NDE1: variants seen among roughly 807,000 people sequenced by gnomAD.
NDE1 encodes the protein nudE neurodevelopment protein 1.
A neutral mutation model predicts 43.4 loss-of-function variants in NDE1; 28 were observed. The observed-to-expected ratio is 0.65, with a 90% CI of 0.48 to 0.89. The LOEUF (loss-of-function observed/expected upper bound fraction) is 0.89. Among genes scored for constraint, NDE1 ranks in the 40% least tolerant of loss-of-function variants. NDE1 has a pLI of 0.00. For missense variants in NDE1, 441 were observed against 434.1 expected (o/e 1.02, Z -0.14); for synonymous variants, 184 against 172.0 (o/e 1.07, Z -0.55).
intron 8 of NDE1, chr16:15,699,464 A>AT: frequency 1.1e-6 from 1 of 942,862 alleles, no homozygotes; most frequent in Non-Finnish European, 1.3e-6. Flanking sequence ...GGGTCTCACT[A>AT]TGTTGCGTAG....
rs545505269 is a variant in NDE1, at chr16:15,665,220, A to G, written c.83+359A>G. ...AACAGCAACCATTTATTGCAGGCCT[A>G]TATGTGCCAGGCAGTGTGAAAGGCT... On this transcript the variant is annotated intron_variant, in intron 2 of 8. Transcript: ENST00000396354. Among the ~76,000 whole-genome samples the G allele has an allele frequency of 3.8e-3, 579 of 152,158 alleles. 1 individual carries two copies. The highest frequency in any genetic ancestry group is 8.1e-3 in the South Asian group (39 of 4,828).
chr16:15,709,289 C>T (rs1052695550), intron 8 of NDE1, among the ~76,000 whole-genome samples: 3 of 151,586 alleles, frequency 2.0e-5, no homozygotes, highest in Admixed American at 1.3e-4. Context: ...AATCACCTGA[C>T]GCCAAGAGCA....
intron 8 of NDE1, among the ~76,000 whole-genome samples, chr16:15,710,087 A>G (rs1226965647): frequency 6.6e-6 from 1 of 152,218 alleles, no homozygotes. Context: ...AGAAGGCAGG[A>G]CAGACCTTCC....
intron 1 of NDE1, among the ~76,000 whole-genome samples, chr16:15,659,103 G>A (rs2036913729): frequency 6.6e-6 from 1 of 152,160 alleles, no homozygotes; most frequent in African/African-American, 2.4e-5. Flanking sequence ...ATGTGAATAT[G>A]AGTCCCAACA....
intron 8 of NDE1, among the ~76,000 whole-genome samples, chr16:15,708,546 C>T (rs928403238): frequency 5.9e-5 from 9 of 152,194 alleles, no homozygotes; most frequent in African/African-American, 9.6e-5. Context: ...GTGATAAGGG[C>T]GCACACTGTT....
chr16:15,710,067 C>T (rs780393595), intron 8 of NDE1, among the ~76,000 whole-genome samples: 1 of 152,170 alleles, frequency 6.6e-6, no homozygotes, highest in South Asian at 2.1e-4. Flanking sequence ...TTTGTGCACC[C>T]AAAAGATGCA....
intron 3 of NDE1, among the ~76,000 whole-genome samples, chr16:15,675,630 C>T (rs1378918864): frequency 2.0e-5 from 3 of 151,750 alleles, no homozygotes; most frequent in African/African-American, 7.3e-5. Flanking sequence ...GAGGCAGAGT[C>T]TTGCCCAGGC....
intron 8 of NDE1, chr16:15,718,394 G>T (rs1201529499): frequency 6.3e-7 from 1 of 1,599,560 alleles, no homozygotes. Context: ...CTCCAGCTGG[G>T]CGATCCGGGC....
chr16:15,692,069 G>T (rs1195858546), intron 6 of NDE1, among the ~76,000 whole-genome samples: 2 of 151,554 alleles, frequency 1.3e-5, no homozygotes, highest in Non-Finnish European at 2.9e-5. Context: ...TGCATGGGCA[G>T]AAAAAAAGAA....
At chr16:15,646,246 T>C (rs1278409763), upstream of NDE1, among the ~76,000 whole-genome samples, 3 of 152,212 alleles carry the variant, frequency 2.0e-5, no homozygotes, top group Non-Finnish European at 4.4e-5. Context: ...GATTAGTTCC[T>C]GTCCAGAAAC....
intron 7 of NDE1, chr16:15,695,641 A>G (rs1302784500): frequency 1.0e-6 from 1 of 985,276 alleles, no homozygotes; most frequent in Non-Finnish European, 1.2e-6. Context: ...TGATGCCTAG[A>G]AGGCCACATA....
At chr16:15,718,180 C>G in intron 8 of NDE1, 9 of 1,422,518 alleles carry the variant, frequency 6.3e-6, no homozygotes, top group Non-Finnish European at 8.7e-6. Context: ...TCTCTACTCT[C>G]AGGCCCCACC....
At chr16:15,694,753 ACTCGAAGCCCTG>A in intron 7 of NDE1, 2 of 985,164 alleles carry the variant, frequency 2.0e-6, no homozygotes, top group South Asian at 4.7e-5. Flanking sequence ...CAGAGCTCTG[ACTCGAAGCCCTG>A]CTCTGAACCC....
rs576598133 is a variant in NDE1 at position 15,677,259 on chromosome 16, G to A, written c.238-542G>A. Among the ~76,000 whole-genome samples, 40 of 152,134 alleles carry A rather than the reference G, an allele frequency of 2.6e-4. No individual in the cohort carries two copies. The East Asian group carries it at 7.4e-3, about 28-fold the overall frequency. On this transcript the variant is annotated intron_variant, in intron 3 of 8. Transcript: ENST00000396354. ...GACAGAAAGCCTGGAGCCCCACCCA[G>A]GGAGTGTGGTGGGAGGAGTAGTTTC...
intron 1 of NDE1, among the ~76,000 whole-genome samples, chr16:15,644,156 G>A (rs1223971844): frequency 1.3e-5 from 2 of 152,234 alleles, no homozygotes; most frequent in Non-Finnish European, 2.9e-5. Context: ...GATTTAGGAT[G>A]TGCTAGCTGC....
At chr16:15,679,014 G>A (rs1238789612) in intron 4 of NDE1, among the ~76,000 whole-genome samples, 3 of 152,054 alleles carry the variant, frequency 2.0e-5, no homozygotes, top group African/African-American at 7.2e-5. Flanking sequence ...AGGGCGGAGC[G>A]TGTAGTGAGC....
intron 1 of NDE1, among the ~76,000 whole-genome samples, chr16:15,655,506 T>C (rs2036717058): frequency 6.6e-6 from 1 of 152,178 alleles, no homozygotes; most frequent in Non-Finnish European, 1.5e-5. Context: ...TGTGGAGAAA[T>C]AGGAACACTT....
rs773413804 is a variant in NDE1, at chr16:15,650,304, G to T, written c.-44+10G>T. 5 of 291,494 alleles carry T rather than the reference G, an allele frequency of 1.7e-5. No homozygotes were observed. Among genetic ancestry groups the T allele is most frequent in the Admixed American group, 8.5e-5 (2 of 23,618 alleles). 18.1% of individuals were successfully genotyped at this position (291,494 alleles called of 1,614,324 possible). ...CGCCGCCCCTGCTCGGGTAAGTGAG[G>T]CGCTGCGCGGGGCTGGGGTCGGGGT... On this transcript the variant is annotated intron_variant, in intron 1 of 8. Transcript: ENST00000396354.
chr16:15,681,735 C>T (rs138916566), intron 4 of NDE1, among the ~76,000 whole-genome samples: 19 of 152,242 alleles, frequency 1.2e-4, no homozygotes, highest in African/African-American at 4.6e-4. Flanking sequence ...TGTTTTGAGT[C>T]AGAGTCTTGC....
Sources: allele counts gnomAD v4.1 joint callset (sites outside exome capture counted in the v4.1 genomes callset), GRCh38; gene constraint gnomAD v4.1.1; transcripts MANE v1.5; gene names NCBI Gene and HGNC (gene_info 2026-07-23, HGNC 2026-07-21).